The following CYP20A1 variants were observed in gnomAD, a reference collection of about 807,000 sequenced individuals.
CYP20A1 encodes cytochrome P450 family 20 subfamily A member 1, also known as cytochrome P450 20A1.
A neutral mutation model predicts 61.4 loss-of-function variants in CYP20A1; 61 were observed. The observed-to-expected ratio is 0.99, with a 90% CI of 0.81 to 1.23. CYP20A1 has a LOEUF of 1.23. Ranked by LOEUF, CYP20A1 falls within the 50% of genes most tolerant of loss-of-function variation. The pLI is 0.00. For synonymous variants in CYP20A1, 193 were observed against 188.2 expected, an observed-to-expected ratio of 1.03 and a Z score of -0.21; for missense variants, 530 against 542.4, an observed-to-expected ratio of 0.98 and a Z score of 0.23.
Position 203,272,686 on chromosome 2 carries a change from GA to G in CYP20A1, c.621del (p.Gly208AlafsTer3). 1 of 1,604,938 alleles carries G rather than the reference GA, an allele frequency of 6.2e-7. No individual in the cohort carries two copies. The highest frequency in any genetic ancestry group is 8.5e-7 in the Non-Finnish European group (1 of 1,176,642). On this transcript the variant is annotated frameshift_variant, in exon 6 of 13. Coordinates refer to ENST00000356079, the MANE Select transcript of CYP20A1 (RefSeq NM_177538.3). LOFTEE classifies it high-confidence loss of function. ...KNHGTVWSEI[G>X]KGFLDGSLDK... Reference sequence around the variant, plus strand: ...TATTTTCAGGTTTGGTCTGAGATTGGAAAAGGCTTTCTAGATGGGTCACTTG... The same window carrying G: ...TATTTTCAGGTTTGGTCTGAGATTGGAAAGGCTTTCTAGATGGGTCACTTG...
At chr2:203,288,601 C>T (rs150245548) in intron 9 of CYP20A1, among the ~76,000 whole-genome samples, 2 of 152,154 alleles carry the variant, frequency 1.3e-5, no homozygotes, top group African/African-American at 4.8e-5. Flanking sequence ...GCAGCAGGTA[C>T]GCAATAAATA....
intron 8 of CYP20A1, among the ~76,000 whole-genome samples, chr2:203,284,114 A>G (rs2068164342): frequency 6.6e-6 from 1 of 152,216 alleles, no homozygotes; most frequent in Non-Finnish European, 1.5e-5. Context: ...GATATAAGAA[A>G]ACTAATCAGA....
At chr2:203,287,501 T>C (rs763367959) in intron 9 of CYP20A1, among the ~76,000 whole-genome samples, 1 of 151,652 alleles carries the variant, frequency 6.6e-6, no homozygotes, top group Non-Finnish European at 1.5e-5. Flanking sequence ...AGCCCAGGAG[T>C]TTGAGACCAT....
chr2:203,272,623 A>G (rs1291702452), intron 5 of CYP20A1, 47 bp from the exon 6 acceptor site: 1 of 1,206,472 alleles, frequency 8.3e-7, no homozygotes, highest in Non-Finnish European at 1.2e-6. Flanking sequence ...ATTATTTTTA[A>G]AATTCTACCT....
chr2:203,240,595 T>G (rs1430789356), intron 1 of CYP20A1, among the ~76,000 whole-genome samples: 1 of 152,150 alleles, frequency 6.6e-6, no homozygotes, highest in Admixed American at 6.5e-5. Context: ...ACGGAGACAT[T>G]TGAGTAGAAA....
In CYP20A1 at chr2:203,266,848, G is replaced by A. The variant is rs535950800; in HGVS notation, c.600+167G>A. On this transcript the variant is annotated intron_variant, in intron 5 of 12. Transcript: ENST00000356079. The stretch of plus-strand genomic sequence containing the variant: ...ATACAAAAATCAGCTGGGTGTGGTG[G>A]TGGGTGCCTGTAATCCCAGCTACTC... Among the ~76,000 whole-genome samples the A allele has an allele frequency of 1.0e-3, 159 of 152,218 alleles. No homozygotes were observed. Among genetic ancestry groups the A allele is most frequent in the Middle Eastern group, 3.4e-3 (1 of 294 alleles).
intron 7 of CYP20A1, among the ~76,000 whole-genome samples, chr2:203,279,270 C>T (rs1188053571): frequency 6.6e-6 from 1 of 152,098 alleles, no homozygotes. Context: ...CCAGCTGCAT[C>T]GTACATCTTT....
At chr2:203,290,115 A>T (rs575849167) in intron 10 of CYP20A1, among the ~76,000 whole-genome samples, 2 of 152,014 alleles carry the variant, frequency 1.3e-5, no homozygotes, top group South Asian at 4.2e-4. Flanking sequence ...TAATTTTTGT[A>T]TTTTTAGTAG....
In CYP20A1 at chr2:203,304,148, G is replaced by T. The variant is rs930516584; in HGVS notation, c.*7240G>T. ...GCAGGAGAATGTCTGGGAGGTGGAG[G>T]TTGCAGTGTGCCGAGATCGCACCAC... On this transcript the variant is annotated 3_prime_UTR_variant, in exon 13 of 13. Coordinates refer to ENST00000356079, the MANE Select transcript of CYP20A1 (RefSeq NM_177538.3). Among the ~76,000 whole-genome samples the T allele has an allele frequency of 3.9e-5, 6 of 152,222 alleles. No homozygotes were observed. The East Asian group carries it at 5.8e-4, about 15-fold the overall frequency.
chr2:203,245,167 C>T (rs2066417661), intron 1 of CYP20A1, among the ~76,000 whole-genome samples: 1 of 151,060 alleles, frequency 6.6e-6, no homozygotes, highest in East Asian at 1.9e-4. Context: ...GCTGGGACTA[C>T]AGGTGTGTGC....
chr2:203,241,491 A>G (rs935669560), intron 1 of CYP20A1, among the ~76,000 whole-genome samples: 3 of 152,210 alleles, frequency 2.0e-5, no homozygotes, highest in African/African-American at 7.2e-5. Context: ...TGGATTCTCC[A>G]ATGTTAATGG....
chr2:203,267,022 T>C (rs1156301218), intron 5 of CYP20A1, among the ~76,000 whole-genome samples: 2 of 152,030 alleles, frequency 1.3e-5, no homozygotes, highest in East Asian at 1.9e-4. Context: ...TAGCCAGGCA[T>C]GGTGGCATGT....
intron 8 of CYP20A1, among the ~76,000 whole-genome samples, chr2:203,280,724 CT>C (rs1173422169): frequency 6.6e-6 from 1 of 152,076 alleles, no homozygotes; most frequent in Non-Finnish European, 1.5e-5. Context: ...AAATAAAACA[CT>C]GTTTAGAGGA....
At position 203,253,141 on chromosome 2, in the gene CYP20A1, C is replaced by T. The variant is rs536833922; in HGVS notation, c.432+1032C>T. The stretch of plus-strand genomic sequence containing the variant: ...CCAAGCCCCTCTGGGTCAGACTATT[C>T]GGCACACCCCAGGAGGTGATCAGGC... On this transcript the variant is annotated intron_variant, in intron 4 of 12. Transcript: ENST00000356079. Among the ~76,000 whole-genome samples, 12 of 152,244 alleles carry T rather than the reference C, an allele frequency of 7.9e-5. No homozygotes were observed. The South Asian group carries it at 1.7e-3, about 21-fold the overall frequency.
intron 3 of CYP20A1, among the ~76,000 whole-genome samples, chr2:203,247,958 G>A (rs2066519182): frequency 6.6e-6 from 1 of 152,124 alleles, no homozygotes; most frequent in Non-Finnish European, 1.5e-5. Flanking sequence ...AGGCATAGTG[G>A]CTCACACCTG....
At chr2:203,249,294 C>T (rs1460525266) in intron 3 of CYP20A1, among the ~76,000 whole-genome samples, 4 of 152,130 alleles carry the variant, frequency 2.6e-5, no homozygotes, top group South Asian at 2.1e-4. Context: ...GTGCGAAGAT[C>T]GCTTGAACCC....
At chr2:203,275,582 G>A (rs1326194936) in intron 6 of CYP20A1, among the ~76,000 whole-genome samples, 1 of 152,038 alleles carries the variant, frequency 6.6e-6, no homozygotes, top group Non-Finnish European at 1.5e-5. Context: ...TGGGATTACA[G>A]ACGCCTGCCG....
At chr2:203,243,532 C>T (rs529275056) in intron 1 of CYP20A1, among the ~76,000 whole-genome samples, 1 of 151,658 alleles carries the variant, frequency 6.6e-6, no homozygotes, top group Non-Finnish European at 1.5e-5. Flanking sequence ...TTACAGCACC[C>T]ACTACCACGC....
In CYP20A1 at chr2:203,246,742, G is replaced by T; in HGVS notation, c.123-13G>T. On this transcript the variant is annotated splice_polypyrimidine_tract_variant and intron_variant, in intron 2 of 12. Transcript: ENST00000356079. ...TAAATTGATTATTTTGTCAAATGTT[G>T]CTCTTTTGCCAGAGATGGTAATCTT... 1 of 1,607,244 alleles carries T rather than the reference G, an allele frequency of 6.2e-7. No individual in the cohort carries two copies. Among genetic ancestry groups the T allele is most frequent in the Non-Finnish European group, 8.5e-7 (1 of 1,177,546 alleles).
Sources: gnomAD v4.1 joint callset for allele counts (sites outside exome capture counted in the v4.1 genomes callset) on GRCh38, gnomAD v4.1.1 for gene constraint, MANE v1.5 for transcripts, NCBI Gene and HGNC (gene_info 2026-07-23, HGNC 2026-07-21) for gene names.